Variants in TCF20 observed in about 807,000 individuals in gnomAD.
TCF20 encodes the protein SPRE-binding protein.
TCF20 carries 3 observed loss-of-function variants against 148.6 expected under a neutral mutation model. The observed-to-expected ratio is 0.02, with a 90% CI of 0.01 to 0.05. The LOEUF is 0.05. Among genes scored for constraint, TCF20 ranks in the 10% least tolerant of loss-of-function variants. TCF20 has a pLI of 1.00. For synonymous variants in TCF20, 1,049 were observed against 909.5 expected (o/e 1.15, Z -2.76); for missense variants, 2,350 against 2,429.3 (o/e 0.97, Z 0.69).
At chr22:42,268,567 G>A (rs945733031) in intron 1 of TCF20, among the ~76,000 whole-genome samples, 2 of 152,214 alleles carry the variant, frequency 1.3e-5, no homozygotes, top group Non-Finnish European at 2.9e-5. Flanking sequence ...AATGTCAAAT[G>A]TCCTTTGAAG....
At chr22:42,283,619 G>C (rs1280060270) in intron 1 of TCF20, among the ~76,000 whole-genome samples, 1 of 152,110 alleles carries the variant, frequency 6.6e-6, no homozygotes, top group Non-Finnish European at 1.5e-5. Flanking sequence ...GCCGCCACTC[G>C]AGCAGCTGCG....
At chr22:42,282,483 A>G (rs1011896807) in intron 1 of TCF20, among the ~76,000 whole-genome samples, 1 of 151,976 alleles carries the variant, frequency 6.6e-6, no homozygotes, top group Admixed American at 6.5e-5. Context: ...CTGTTTGCCA[A>G]CCTCCAGGCC....
At chr22:42,275,260 G>C (rs530698301), upstream of TCF20, 1 of 152,338 alleles carries the variant, frequency 6.6e-6, no homozygotes, top group Non-Finnish European at 1.5e-5. Flanking sequence ...TGGGCAGCTC[G>C]GGCAGGTCGG....
chr22:42,251,215 G>T (rs577999907), intron 1 of TCF20, among the ~76,000 whole-genome samples: 1 of 152,132 alleles, frequency 6.6e-6, no homozygotes, highest in South Asian at 2.1e-4. Flanking sequence ...TTTGTTTATT[G>T]AAGACAAAGT....
At chr22:42,334,005 C>T (rs551171283) in intron 1 of TCF20, among the ~76,000 whole-genome samples, 1 of 152,280 alleles carries the variant, frequency 6.6e-6, no homozygotes, top group Admixed American at 6.5e-5. Flanking sequence ...AGATGAGCCA[C>T]CAGATAAAGG....
intron 3 of TCF20, among the ~76,000 whole-genome samples, chr22:42,176,881 A>G (rs1045350565): frequency 1.3e-5 from 2 of 152,238 alleles, no homozygotes; most frequent in African/African-American, 4.8e-5. Flanking sequence ...GAGATTTGTT[A>G]AAGAATACAA....
At position 42,323,937 on chromosome 22, in the gene TCF20, G is replaced by GGTA. The variant is rs1569209732; in HGVS notation, c.-37+19541_-37+19542insTAC. ...TGGTGATGGAGGTTATGGTGGTGGT[G>GGTA]GTGGTGATGGAGGTTATGGTGGTGG... On this transcript the variant is annotated intron_variant, in intron 1 of 1. Coordinates refer to the TCF20 transcript ENST00000515426. Among the ~76,000 whole-genome samples the GGTA allele has an allele frequency of 2.6e-4, 29 of 111,772 alleles. 2 individuals carry two copies. Among genetic ancestry groups the GGTA allele is most frequent in the Admixed American group, 4.9e-4 (5 of 10,280 alleles). 73.3% of individuals were successfully genotyped at this position (111,772 alleles called of 152,430 possible). A position where few individuals can be genotyped will look rare whatever the true frequency, so the allele number is the denominator to read the frequency against.
At chr22:42,294,177 C>T (rs1422210767) in intron 1 of TCF20, among the ~76,000 whole-genome samples, 1 of 152,090 alleles carries the variant, frequency 6.6e-6, no homozygotes, top group Admixed American at 6.5e-5. Context: ...CACCCGCCAG[C>T]CCGCTCCACC....
intron 2 of TCF20, among the ~76,000 whole-genome samples, chr22:42,189,693 A>T (rs1937230808): frequency 6.6e-6 from 1 of 152,184 alleles, no homozygotes; most frequent in Non-Finnish European, 1.5e-5. Flanking sequence ...TTTTAAAATA[A>T]ATCCCTGCTA....
chr22:42,323,966 TG>T (rs1927801915), intron 1 of TCF20, among the ~76,000 whole-genome samples: 1 of 47,722 alleles, frequency 2.1e-5, no homozygotes, highest in African/African-American at 1.6e-4. Context: ...GTGGTGGTGG[TG>T]ATGGTGGTGG....
intron 1 of TCF20, among the ~76,000 whole-genome samples, chr22:42,283,364 A>C (rs1313128727): frequency 6.6e-6 from 1 of 151,492 alleles, no homozygotes; most frequent in East Asian, 1.9e-4. Context: ...CTGGCTGCGC[A>C]CGGCGGCTGG....
At chr22:42,328,249 G>A (rs1427798626) in intron 1 of TCF20, among the ~76,000 whole-genome samples, 2 of 152,142 alleles carry the variant, frequency 1.3e-5, no homozygotes, top group East Asian at 1.9e-4. Flanking sequence ...AGCCAGACTG[G>A]ACACAGCCTC....
intron 2 of TCF20, among the ~76,000 whole-genome samples, chr22:42,187,084 T>A (rs1310705034): frequency 6.6e-6 from 1 of 152,218 alleles, no homozygotes; most frequent in Non-Finnish European, 1.5e-5. Flanking sequence ...TAGCCATACT[T>A]CTCCAAACCT....
intron 1 of TCF20, among the ~76,000 whole-genome samples, chr22:42,325,717 C>T (rs752992952): frequency 2.0e-5 from 3 of 152,188 alleles, no homozygotes; most frequent in South Asian, 2.1e-4. Flanking sequence ...CCTGAGGCTA[C>T]GCAGGACAGG....
intron 1 of TCF20, among the ~76,000 whole-genome samples, chr22:42,248,813 T>C (rs1008844906): frequency 2.6e-5 from 4 of 152,208 alleles, no homozygotes; most frequent in Non-Finnish European, 5.9e-5. Context: ...GACCTTGCTA[T>C]TGTCATTATC....
chr22:42,313,796 CG>C (rs1927580476), intron 1 of TCF20, among the ~76,000 whole-genome samples: 1 of 152,058 alleles, frequency 6.6e-6, no homozygotes, highest in Admixed American at 6.5e-5. Context: ...GACAGGGTTT[CG>C]CCAAGCTGGC....
intron 1 of TCF20, chr22:42,269,711 GCGCCGGGACCTTGCGCCCAACC>G (rs1926488602): frequency 6.6e-6 from 1 of 152,602 alleles, no homozygotes; most frequent in African/African-American, 2.4e-5. Flanking sequence ...AGTGTGTCCT[GCGCCGGGACCTTGCGCCCAACC>G]CGCCGGTACC....
At chr22:42,329,181 G>A (rs780187913) in intron 1 of TCF20, among the ~76,000 whole-genome samples, 18 of 152,202 alleles carry the variant, frequency 1.2e-4, no homozygotes, top group Non-Finnish European at 2.2e-4. Context: ...AGGCGGCAGC[G>A]CAGTCACACC....
At chr22:42,240,851 C>G (rs1416068771) in intron 1 of TCF20, among the ~76,000 whole-genome samples, 1 of 151,880 alleles carries the variant, frequency 6.6e-6, no homozygotes, top group African/African-American at 2.4e-5. Context: ...AAACTCAAAT[C>G]TTCAACTTTT....
Sources: allele counts gnomAD v4.1 joint callset (sites outside exome capture counted in the v4.1 genomes callset), GRCh38; gene constraint gnomAD v4.1.1; transcripts MANE v1.5; gene names NCBI Gene and HGNC (gene_info 2026-07-23, HGNC 2026-07-21).